DMXL2: variants seen among roughly 807,000 people sequenced by gnomAD.
The protein encoded by DMXL2 is Dmx like 2.
Under a neutral mutation model 331.1 loss-of-function variants are expected in DMXL2, and 103 were observed. The ratio of observed to expected loss-of-function variants is 0.31; its 90% confidence interval spans 0.27 to 0.37. DMXL2 has a LOEUF of 0.37. Among genes scored for constraint, DMXL2 ranks in the 10% least tolerant of loss-of-function variants. DMXL2 has a pLI of 1.00. For synonymous variants in DMXL2, 1,281 were observed against 1,252.1 expected (o/e 1.02, Z -0.49); for missense variants, 3,171 against 3,642.9 (o/e 0.87, Z 3.33).
chr15:51,510,064 A>G (rs950562169), intron 15 of DMXL2, among the ~76,000 whole-genome samples: 5 of 152,220 alleles, frequency 3.3e-5, no homozygotes, highest in African/African-American at 1.2e-4. Flanking sequence ...TCTCAAGATA[A>G]TAAGAGCTAT....
chr15:51,453,358 T>C (rs535117815), intron 41 of DMXL2, 192 bp downstream of exon 41: 119 of 450,702 alleles, frequency 2.6e-4, no homozygotes, highest in Non-Finnish European at 4.3e-4. Flanking sequence ...AAATTACATA[T>C]ATTAGGAATA....
chr15:51,601,069 AT>A (rs2053191138), intron 1 of DMXL2, among the ~76,000 whole-genome samples: 3 of 152,134 alleles, frequency 2.0e-5, no homozygotes, highest in Non-Finnish European at 4.4e-5. Flanking sequence ...AGGCGGGCGG[AT>A]CACAAGGTCA....
chr15:51,477,273 A>G (rs1400101331), intron 26 of DMXL2, among the ~76,000 whole-genome samples: 1 of 152,098 alleles, frequency 6.6e-6, no homozygotes, highest in Non-Finnish European at 1.5e-5. Flanking sequence ...AAGTTGGGGA[A>G]AATATAAAAG....
Position 51,447,892 on chromosome 15 carries a change from C to G in DMXL2, c.*1092G>C, listed in dbSNP as rs1359707515. ...TTTATGCCATTGTATTTACTATTTA[C>G]CACACAGGCATTGAACATTCTCATT... On this transcript the variant is annotated 3_prime_UTR_variant, in exon 44 of 44. Transcript: ENST00000560891. The G allele has an allele frequency of 6.6e-6, 1 of 152,592 alleles. No individual in the cohort carries two copies. The highest frequency in any genetic ancestry group is 2.4e-5 in the African/African-American group (1 of 41,424). The allele number at this position is 152,592 out of a possible 1,614,324, so 9.5% of individuals were successfully genotyped here.
chr15:51,488,179 T>C (rs772105512), intron 21 of DMXL2, 60 bp from the exon 22 acceptor site: 11 of 1,383,350 alleles, frequency 8.0e-6, no homozygotes, highest in Non-Finnish European at 9.7e-6. Context: ...CTACAGAATG[T>C]ATAATAATAT....
At chr15:51,519,252 G>C (rs1454696315) in intron 13 of DMXL2, among the ~76,000 whole-genome samples, 1 of 151,866 alleles carries the variant, frequency 6.6e-6, no homozygotes, top group African/African-American at 2.4e-5. Context: ...AAGTAACTAG[G>C]ATTACAGGTG....
At chr15:51,466,704 T>C (rs1460746768) in intron 29 of DMXL2, among the ~76,000 whole-genome samples, 1 of 151,944 alleles carries the variant, frequency 6.6e-6, no homozygotes, top group Non-Finnish European at 1.5e-5. Flanking sequence ...CTTTATAAAA[T>C]TATATGAAGG....
Position 51,481,193 on chromosome 15 carries a change from C to G in DMXL2, c.5913G>C (p.Glu1971Asp). The change falls in exon 24 of 44, where the codon GAG becomes GAC. Residue 1971 changes from glutamate (E) to aspartate (D), a missense_variant. Physicochemically the swap from Glu to Asp is conservative, Grantham distance 45 (BLOSUM62 2). Around this residue, in one of 7 missense-constraint regions of DMXL2, gnomAD observed 244 missense variants for 251.4 expected, o/e 0.97. Transcript: ENST00000560891. ...DWSQPIVKVD[E>D]EPLNLDWGED... ...CACCCCAATCAAGATTAAGAGGTTC[C>G]TCATCAACTTTTACTATTGGCTGAC... The G allele has an allele frequency of 1.2e-6, 2 of 1,613,922 alleles. No individual in the cohort carries two copies. The highest frequency in any genetic ancestry group is 2.7e-5 in the African/African-American group (2 of 75,048).
At chr15:51,599,366 G>A (rs2053062996) in intron 1 of DMXL2, among the ~76,000 whole-genome samples, 1 of 152,060 alleles carries the variant, frequency 6.6e-6, no homozygotes, top group Non-Finnish European at 1.5e-5. Context: ...CTGCTTCTAG[G>A]CCTCTCAGCT....
At chr15:51,529,830 T>C (rs2047899548) in intron 13 of DMXL2, among the ~76,000 whole-genome samples, 1 of 152,154 alleles carries the variant, frequency 6.6e-6, no homozygotes, top group South Asian at 2.1e-4. Context: ...TCAATAACTC[T>C]GATGAATATT....
intron 29 of DMXL2, among the ~76,000 whole-genome samples, chr15:51,470,218 G>A (rs942081042): frequency 1.3e-5 from 2 of 152,044 alleles, no homozygotes; most frequent in African/African-American, 2.4e-5. Context: ...TCACTGCCAC[G>A]CTGACCTCCT....
At chr15:51,586,296 T>G (rs1890833628) in intron 1 of DMXL2, among the ~76,000 whole-genome samples, 1 of 152,054 alleles carries the variant, frequency 6.6e-6, no homozygotes, top group Non-Finnish European at 1.5e-5. Context: ...ATTAACAAAA[T>G]TTATGCAAGA....
intron 13 of DMXL2, among the ~76,000 whole-genome samples, chr15:51,519,810 T>C (rs2047251869): frequency 6.6e-6 from 1 of 151,872 alleles, no homozygotes; most frequent in African/African-American, 2.4e-5. Flanking sequence ...ACCTGGCTAA[T>C]TTTTGTATTT....
At chr15:51,478,918 T>G (rs1483778158) in intron 25 of DMXL2, among the ~76,000 whole-genome samples, 1 of 119,152 alleles carries the variant, frequency 8.4e-6, no homozygotes, top group African/African-American at 2.8e-5. Flanking sequence ...TTTCTCCATA[T>G]AATTAAAAAA....
chr15:51,517,092 C>A lies in DMXL2; in HGVS notation c.2512G>T (p.Ala838Ser). ...ARPGCIIELD[A>S]ITNQCGSNTQ... ...CATGTTTTTACTTGGTTGGTTATTGCGTCGAGTTCAATAATGCAGCCAGGT... is the reference window on the plus strand; with the variant it reads ...CATGTTTTTACTTGGTTGGTTATTGAGTCGAGTTCAATAATGCAGCCAGGT... The change falls in exon 14 of 44, where the codon GCA (alanine) becomes TCA (serine). Residue 838 changes from alanine (A) to serine (S), a missense_variant. Transcript: ENST00000560891. 3.7e-6 allele frequency: 6 copies of A among 1,613,624 alleles called. No individual in the cohort carries two copies. The highest frequency in any genetic ancestry group is 1.3e-5 in the African/African-American group (1 of 75,022).
intron 9 of DMXL2, among the ~76,000 whole-genome samples, chr15:51,539,288 T>C (rs544811996): frequency 2.6e-5 from 4 of 151,912 alleles, no homozygotes; most frequent in Admixed American, 2.0e-4. Flanking sequence ...TTGCCACATA[T>C]AAAGCAACTG....
At position 51,502,944 on chromosome 15, in the gene DMXL2, C is replaced by T. The variant is rs780915019; in HGVS notation, c.2854G>A (p.Val952Met). Residue 952 changes from valine to methionine, a missense_variant, in exon 17 of 44, where the codon GTG becomes ATG. Transcript: ENST00000560891. ...GATGAAGAATGTGGCATGGGGCTCA[C>T]ACTAGGAGAGGTTTCTGGAGAAGAA... ...VDSSPETSPS[V>M]SPMPHSSSIA... 5.0e-6 allele frequency: 8 copies of T among 1,613,994 alleles called. No individual in the cohort carries two copies. The highest frequency in any genetic ancestry group is 3.3e-5 in the Admixed American group (2 of 60,000).
intron 1 of DMXL2, among the ~76,000 whole-genome samples, chr15:51,610,943 G>A (rs2053923769): frequency 6.6e-6 from 1 of 152,008 alleles, no homozygotes; most frequent in African/African-American, 2.4e-5. Context: ...AATTACTTAT[G>A]AGTGCATGGT....
rs575826515 is a variant in DMXL2, at chr15:51,603,954, A to T, written c.87+18505T>A. Among the ~76,000 whole-genome samples, 131 of 152,240 alleles carry T rather than the reference A, an allele frequency of 8.6e-4. 4 individuals are homozygous for T. The South Asian group carries it at 0.027, about 31-fold the overall frequency. ...CAAAACCAGACAAAAACAGTACAGG[A>T]GAAAAAACATAATAAAAAATATTCT... On this transcript the variant is annotated intron_variant, in intron 1 of 43. Coordinates refer to ENST00000560891, the MANE Select transcript of DMXL2 (RefSeq NM_001378457.1).
Sources: gnomAD v4.1 joint callset for allele counts (sites outside exome capture counted in the v4.1 genomes callset) on GRCh38, gnomAD v4.1.1 for gene constraint, gnomAD v4.1.1 regional missense constraint, MANE v1.5 for transcripts, NCBI Gene and HGNC (gene_info 2026-07-23, HGNC 2026-07-21) for gene names.